TRIM26: variants seen among roughly 807,000 people sequenced by gnomAD.
TRIM26 encodes the protein tripartite motif containing 26.
TRIM26 carries 16 observed loss-of-function variants against 45.5 expected under a neutral mutation model. The ratio of observed to expected loss-of-function variants is 0.35; its 90% CI spans 0.24 to 0.53. The LOEUF (loss-of-function observed/expected upper bound fraction) is 0.53, where lower values mean the gene tolerates loss of function less well. TRIM26 is among the 20% of genes least tolerant of loss of function. TRIM26 has a pLI of 0.92. For missense variants in TRIM26, 442 were observed against 691.1 expected (o/e 0.64, Z 4.04); for synonymous variants, 273 against 290.4 (o/e 0.94, Z 0.61).
In TRIM26 at chr6:30,198,838, G is replaced by A. The variant is rs149959005; in HGVS notation, c.266C>T (p.Pro89Leu). 3.2e-5 allele frequency: 52 copies of A among 1,612,734 alleles called. No individual in the cohort carries two copies. Among genetic ancestry groups the A allele is most frequent in the East Asian group, 3.1e-4 (14 of 44,860 alleles). The change falls in exon 4 of 10, where the codon CCG becomes CTG. Residue 89 changes from proline to leucine, a missense_variant. Pro to Leu is a moderately conservative substitution (Grantham distance 98). Transcript: ENST00000454678. This position sits in a 1 kb window ranked among gnomAD's most constrained non-coding sequence, Gnocchi z 6.3. ...CTGCTGCTCCCGGGTCACCTCTCCC[G>A]GCTGCCTGCCCTTGTCCACCTTCAG... ...ERLKVDKGRQPGEVTREQQDA... is the reference protein window; with the variant it reads ...ERLKVDKGRQLGEVTREQQDA...
Position 30,189,028 on chromosome 6 carries a change from G to C in TRIM26, c.937+139C>G, listed in dbSNP as rs1775518248. ...CTGATTAGAAAGTGCAAAGAGGGAGGGGGGCTTCTATTGTGCAGCTGGGAA... is the reference window on the plus strand; with the variant it reads ...CTGATTAGAAAGTGCAAAGAGGGAGCGGGGCTTCTATTGTGCAGCTGGGAA... On this transcript the variant is annotated intron_variant, in intron 9 of 9. Coordinates refer to ENST00000454678, the MANE Select transcript of TRIM26 (RefSeq NM_003449.5). This position sits in a 1 kb window ranked among gnomAD's most constrained non-coding sequence, Gnocchi z 5.0. The C allele has an allele frequency of 2.3e-6, 2 of 888,382 alleles. No homozygotes were observed. The highest frequency in any genetic ancestry group is 2.4e-5 in the East Asian group (1 of 41,528). The allele number at this position is 888,382 out of a possible 1,614,324, so 55.0% of individuals were successfully genotyped here.
chr6:30,210,232 A>C (rs1778149217), intron 1 of TRIM26, among the ~76,000 whole-genome samples: 1 of 150,656 alleles, frequency 6.6e-6, no homozygotes, highest in African/African-American at 2.4e-5. Context: ...CTGCACAGAC[A>C]TCCTCCCCTG....
intron 1 of TRIM26, among the ~76,000 whole-genome samples, chr6:30,208,070 A>C (rs3132672): frequency 0.43 from 65,078 of 151,946 alleles, 14,094 homozygotes; most frequent in Non-Finnish European, 0.45. Context: ...CTGTCTTATC[A>C]CCAGAATCTA....
chr6:30,200,281 C>T (rs1025743928), intron 3 of TRIM26, among the ~76,000 whole-genome samples: 1 of 151,880 alleles, frequency 6.6e-6, no homozygotes, highest in African/African-American at 2.4e-5. Context: ...GAGACTGTCT[C>T]AAAACAAACA....
chr6:30,203,046 CTTTT>C (rs9278610), intron 2 of TRIM26, among the ~76,000 whole-genome samples: 9 of 132,826 alleles, frequency 6.8e-5, no homozygotes, highest in South Asian at 2.4e-4. Flanking sequence ...TCCTCTCTTT[CTTTT>C]TTTTTTTTTT....
At chr6:30,206,090 G>A (rs1777698962) in intron 1 of TRIM26, among the ~76,000 whole-genome samples, 1 of 152,196 alleles carries the variant, frequency 6.6e-6, no homozygotes, top group African/African-American at 2.4e-5. Context: ...CCATTTAAGG[G>A]CTCCTGGGTC....
intron 2 of TRIM26, among the ~76,000 whole-genome samples, chr6:30,203,547 C>T (rs549905023): frequency 6.6e-6 from 1 of 152,176 alleles, no homozygotes; most frequent in Admixed American, 6.5e-5. Flanking sequence ...TCCCTAGTAG[C>T]TGGGATTACA....
intron 2 of TRIM26, among the ~76,000 whole-genome samples, chr6:30,203,902 G>A (rs889011369): frequency 3.3e-5 from 5 of 151,990 alleles, no homozygotes; most frequent in Non-Finnish European, 5.9e-5. Context: ...GTTTTCTGGG[G>A]AGGGAGCTAC....
At position 30,187,598 on chromosome 6, in the gene TRIM26, G is replaced by T. The variant is rs557216914; in HGVS notation, c.938-1040C>A. The stretch of plus-strand genomic sequence containing the variant: ...CTGTGCTAACTGTCAGATGATGTCA[G>T]GTAATTACACAGGTGAGCTCCCATG... On this transcript the variant is annotated intron_variant, in intron 9 of 9. Coordinates refer to ENST00000454678, the MANE Select transcript of TRIM26 (RefSeq NM_003449.5). 10 of 412,202 alleles carry T rather than the reference G, an allele frequency of 2.4e-5. No homozygotes were observed. In the East Asian group the frequency reaches 7.0e-4, roughly 29 times the overall value. 25.5% of individuals were successfully genotyped at this position (412,202 alleles called of 1,614,324 possible).
rs781191203 is a variant in TRIM26 at position 30,198,387 on chromosome 6, C to T, written c.534+42G>A. 33 of 1,607,800 alleles carry T rather than the reference C, an allele frequency of 2.1e-5. No homozygotes were observed. The highest frequency in any genetic ancestry group is 3.3e-5 in the South Asian group (3 of 90,934). ...TTGCCCAGGCTCACCCTGCCCTACA[C>T]GGGCGCACCGCCTCAGGGCTTCCTG... On this transcript the variant is annotated intron_variant, in intron 5 of 9. Coordinates refer to ENST00000454678, the MANE Select transcript of TRIM26 (RefSeq NM_003449.5). This position sits in a 1 kb window ranked among gnomAD's most constrained non-coding sequence, Gnocchi z 6.3.
In TRIM26 at chr6:30,198,123, T is replaced by G. The variant is rs1393269490; in HGVS notation, c.534+306A>C. 2.6e-5 allele frequency among the ~76,000 whole-genome samples: 4 copies of G among 152,210 alleles called. No homozygotes were observed. The highest frequency in any genetic ancestry group is 9.6e-5 in the African/African-American group (4 of 41,452). On this transcript the variant is annotated intron_variant, in intron 5 of 9. Transcript: ENST00000454678. The surrounding 1 kb of genome is among the most constrained non-coding windows in gnomAD (Gnocchi z 6.3). Reference sequence around the variant, plus strand: ...TGAAGCCACACCTTCTTCAGTCCCCTGGCAGAAGAGAACCAGCAGCTGGAC... The same window carrying G: ...TGAAGCCACACCTTCTTCAGTCCCCGGGCAGAAGAGAACCAGCAGCTGGAC...
intron 1 of TRIM26, among the ~76,000 whole-genome samples, chr6:30,211,549 A>G (rs931469289): frequency 4.6e-5 from 7 of 152,174 alleles, no homozygotes; most frequent in Admixed American, 2.0e-4. Context: ...GTGATATCTA[A>G]GAAGTCACCC....
At position 30,189,879 on chromosome 6, in the gene TRIM26, G is replaced by A; in HGVS notation, c.788+134C>T. 4 of 1,037,218 alleles carry A rather than the reference G, an allele frequency of 3.9e-6. No homozygotes were observed. The highest frequency in any genetic ancestry group is 5.9e-6 in the Non-Finnish European group (4 of 676,914). 64.3% of individuals were successfully genotyped at this position (1,037,218 alleles called of 1,614,324 possible). A position where few individuals can be genotyped will look rare whatever the true frequency, so the allele number is the denominator to read the frequency against. ...ATGATGTGTCCTGCTCCTCAGAAGG[G>A]CATCAGGATGAACCATGGGATGTGA... On this transcript the variant is annotated intron_variant, in intron 7 of 9. Coordinates refer to ENST00000454678, the MANE Select transcript of TRIM26 (RefSeq NM_003449.5). This position sits in a 1 kb window ranked among gnomAD's most constrained non-coding sequence, Gnocchi z 5.0.
Position 30,186,833 on chromosome 6 carries a change from T to C in TRIM26, c.938-275A>G, listed in dbSNP as rs1346893979. 2.9e-6 allele frequency: 3 copies of C among 1,034,802 alleles called. No individual in the cohort carries two copies. The highest frequency in any genetic ancestry group is 1.6e-5 in the African/African-American group (1 of 63,256). 64.1% of individuals were successfully genotyped at this position (1,034,802 alleles called of 1,614,324 possible). A position where few individuals can be genotyped will look rare whatever the true frequency, so the allele number is the denominator to read the frequency against. On this transcript the variant is annotated intron_variant, in intron 9 of 9. Transcript: ENST00000454678. The surrounding 1 kb of genome is among the most constrained non-coding windows in gnomAD (Gnocchi z 7.4). ...TTACGCTCTGATTCCAAACAAAACT[T>C]TTCATAAGCTTCCTCTATCTCTGGA... is the stretch of plus-strand genomic sequence containing the variant.
intron 6 of TRIM26, among the ~76,000 whole-genome samples, chr6:30,194,866 A>G (rs1262264599): frequency 6.6e-6 from 1 of 152,222 alleles, no homozygotes; most frequent in Non-Finnish European, 1.5e-5. Flanking sequence ...ACTGCACTCC[A>G]GCCTGGGAGA....
Position 30,189,279 on chromosome 6 carries a change from C to T in TRIM26, c.905-80G>A, listed in dbSNP as rs1278346168. 5 of 1,600,128 alleles carry T rather than the reference C, an allele frequency of 3.1e-6. No individual in the cohort carries two copies. Among genetic ancestry groups the T allele is most frequent in the Non-Finnish European group, 4.3e-6 (5 of 1,168,386 alleles). Reference sequence around the variant, plus strand: ...TTCTTGCTCGGGCAGTATCAATTTCCTGATAGGGATCCATGTCTAAGACAA... The same window carrying T: ...TTCTTGCTCGGGCAGTATCAATTTCTTGATAGGGATCCATGTCTAAGACAA... On this transcript the variant is annotated intron_variant, in intron 8 of 9. Transcript: ENST00000454678. The surrounding 1 kb of genome is among the most constrained non-coding windows in gnomAD (Gnocchi z 5.0).
At position 30,193,649 on chromosome 6, in the gene TRIM26, T is replaced by C. The variant is rs913409261; in HGVS notation, c.765+2867A>G. 2.0e-5 allele frequency among the ~76,000 whole-genome samples: 3 copies of C among 152,178 alleles called. 1 individual carries two copies. The highest frequency in any genetic ancestry group is 7.2e-5 in the African/African-American group (3 of 41,422). On this transcript the variant is annotated intron_variant, in intron 6 of 9. Transcript: ENST00000454678. ...GATAACAGGGATTGTATTAAATCTG[T>C]AGACTGCTTTGGGTAGGACAGTCAT... is the stretch of plus-strand genomic sequence containing the variant.
rs1581645480 is a variant in TRIM26 at position 30,186,778 on chromosome 6, T to C, written c.938-220A>G. ...TAACTAAACTGCTTTATAAACATGA[T>C]ATACTGAAATTTAACTTGACTGTTT... On this transcript the variant is annotated intron_variant, in intron 9 of 9. Transcript: ENST00000454678. This position sits in a 1 kb window ranked among gnomAD's most constrained non-coding sequence, Gnocchi z 7.4. The C allele has an allele frequency of 3.8e-6, 4 of 1,050,648 alleles. No homozygotes were observed. Among genetic ancestry groups the C allele is most frequent in the African/African-American group, 3.2e-5 (2 of 62,912 alleles). 65.1% of individuals were successfully genotyped at this position (1,050,648 alleles called of 1,614,324 possible).
Position 30,189,026 on chromosome 6 carries a change from AGG to A in TRIM26, c.937+139_937+140del. 2 of 867,928 alleles carry A rather than the reference AGG, an allele frequency of 2.3e-6. No individual in the cohort carries two copies. The highest frequency in any genetic ancestry group is 1.8e-6 in the Non-Finnish European group (1 of 549,556). The allele number at this position is 867,928 out of a possible 1,614,324, so 53.8% of individuals were successfully genotyped here. ...GGCTGATTAGAAAGTGCAAAGAGGGAGGGGGGCTTCTATTGTGCAGCTGGGAA... is the reference window on the plus strand; with the variant it reads ...GGCTGATTAGAAAGTGCAAAGAGGGAGGGGCTTCTATTGTGCAGCTGGGAA... On this transcript the variant is annotated intron_variant, in intron 9 of 9. Coordinates refer to ENST00000454678, the MANE Select transcript of TRIM26 (RefSeq NM_003449.5). This position sits in a 1 kb window ranked among gnomAD's most constrained non-coding sequence, Gnocchi z 5.0.
Sources: gnomAD v4.1 joint callset for allele counts (sites outside exome capture counted in the v4.1 genomes callset) on GRCh38, gnomAD v4.1.1 for gene constraint, Gnocchi (gnomAD v3.1) non-coding constraint, MANE v1.5 for transcripts, NCBI Gene and HGNC (gene_info 2026-07-23, HGNC 2026-07-21) for gene names.